The following REEP3 variants were observed in gnomAD, a reference collection of about 807,000 sequenced individuals.
REEP3 encodes receptor expression-enhancing protein 3.
Under a neutral mutation model 41.3 loss-of-function variants are expected in REEP3, and 20 were observed. The observed-to-expected ratio is 0.48, with a 90% CI of 0.34 to 0.70. The LOEUF (loss-of-function observed/expected upper bound fraction) is 0.70. REEP3 is among the 30% of genes least tolerant of loss of function. REEP3 has a pLI of 0.01. For synonymous variants in REEP3, 104 were observed against 101.8 expected (o/e 1.02, Z -0.13); for missense variants, 271 against 308.8 (o/e 0.88, Z 0.92).
chr10:63,592,107 G>T (rs1956069633), intron 2 of REEP3, among the ~76,000 whole-genome samples: 1 of 151,810 alleles, frequency 6.6e-6, no homozygotes, highest in African/African-American at 2.4e-5. Flanking sequence ...TGTACACTGA[G>T]GTCTCTGTGC....
chr10:63,543,412 C>A (rs530184836), intron 1 of REEP3, among the ~76,000 whole-genome samples: 1 of 151,722 alleles, frequency 6.6e-6, no homozygotes, highest in Non-Finnish European at 1.5e-5. Flanking sequence ...CCTTCTGACT[C>A]AAACTGCCAA....
At chr10:63,584,567 T>A (rs1955987039) in intron 2 of REEP3, among the ~76,000 whole-genome samples, 1 of 152,132 alleles carries the variant, frequency 6.6e-6, no homozygotes, top group Non-Finnish European at 1.5e-5. Flanking sequence ...GCCATCTGGG[T>A]TGGATAAAAC....
chr10:63,562,844 G>T, intron 1 of REEP3: 1 of 443,246 alleles, frequency 2.3e-6, no homozygotes, highest in Middle Eastern at 3.3e-4. Flanking sequence ...ATGTGTTATG[G>T]GCTGAATTCT....
At chr10:63,568,659 T>TTC (rs1955825393) in intron 2 of REEP3, among the ~76,000 whole-genome samples, 1 of 147,960 alleles carries the variant, frequency 6.8e-6, no homozygotes, top group African/African-American at 2.5e-5. Flanking sequence ...AATTTTTTTT[T>TTC]TTTTTTTTTT....
rs919019200 is a variant in REEP3, at chr10:63,621,539, A to T, written c.*670A>T. 16 of 152,710 alleles carry T rather than the reference A, an allele frequency of 1.0e-4. No homozygotes were observed. The highest frequency in any genetic ancestry group is 6.8e-3 in the Middle Eastern group (2 of 294). 9.5% of individuals were successfully genotyped at this position (152,710 alleles called of 1,614,324 possible). ...TTTTTGCCGTATTCTGACATGTCAA[A>T]TCTATGCCTTGAATTATATCATCTC... is the stretch of plus-strand genomic sequence containing the variant. On this transcript the variant is annotated 3_prime_UTR_variant, in exon 8 of 8. Coordinates refer to ENST00000373758, the MANE Select transcript of REEP3 (RefSeq NM_001001330.3).
chr10:63,623,468 C>T lies in REEP3; in HGVS notation c.*2599C>T, dbSNP rs1212259880. 2.6e-5 allele frequency: 4 copies of T among 152,100 alleles called. No homozygotes were observed. The highest frequency in any genetic ancestry group is 6.6e-5 in the Admixed American group (1 of 15,262). The allele number at this position is 152,100 out of a possible 1,614,324, so 9.4% of individuals were successfully genotyped here. On this transcript the variant is annotated 3_prime_UTR_variant, in exon 8 of 8. Coordinates refer to ENST00000373758, the MANE Select transcript of REEP3 (RefSeq NM_001001330.3). ...TTTTCCTCTGCCAGCACATGGAGCA[C>T]GGGATTAGATGCACAAACCTATTTA...
intron 1 of REEP3, chr10:63,562,621 G>A (rs4746201): frequency 8.8e-6 from 4 of 456,244 alleles, no homozygotes; most frequent in Admixed American, 7.1e-5. Context: ...AGCAAGAGAA[G>A]CGTATTCTTC....
chr10:63,534,234 A>C (rs1955453755), intron 1 of REEP3, among the ~76,000 whole-genome samples: 2 of 151,944 alleles, frequency 1.3e-5, no homozygotes, highest in South Asian at 4.2e-4. Flanking sequence ...TATATCTTGA[A>C]GTATTATTAT....
At chr10:63,568,547 G>A (rs945990007) in intron 2 of REEP3, among the ~76,000 whole-genome samples, 3 of 152,008 alleles carry the variant, frequency 2.0e-5, no homozygotes, top group South Asian at 2.1e-4. Context: ...GATTACAGGC[G>A]TGAGCCACTG....
chr10:63,530,109 A>G (rs1955406252), intron 1 of REEP3, among the ~76,000 whole-genome samples: 1 of 152,182 alleles, frequency 6.6e-6, no homozygotes, highest in African/African-American at 2.4e-5. Flanking sequence ...TCTTTGCTAT[A>G]ATATAGCAAG....
chr10:63,556,828 G>T (rs1350172257), intron 1 of REEP3, among the ~76,000 whole-genome samples: 2 of 149,858 alleles, frequency 1.3e-5, no homozygotes, highest in Non-Finnish European at 3.0e-5. Context: ...GTAGAGACGG[G>T]GTTTCACCGT....
chr10:63,564,558 G>A (rs1190572757), intron 1 of REEP3, among the ~76,000 whole-genome samples: 2 of 152,038 alleles, frequency 1.3e-5, no homozygotes, highest in East Asian at 3.9e-4. Flanking sequence ...GGGAGACGGA[G>A]GCTGCAGTGA....
chr10:63,574,426 C>A (rs7067748), intron 2 of REEP3, among the ~76,000 whole-genome samples: 1 of 152,212 alleles, frequency 6.6e-6, no homozygotes, highest in African/African-American at 2.4e-5. Context: ...ATTACTAGCT[C>A]TACCTTTGGA....
At chr10:63,603,670 C>A (rs1322004773) in intron 5 of REEP3, among the ~76,000 whole-genome samples, 1 of 152,114 alleles carries the variant, frequency 6.6e-6, no homozygotes, top group African/African-American at 2.4e-5. Context: ...TGTTGTGATT[C>A]TTTTATCCAT....
intron 1 of REEP3, among the ~76,000 whole-genome samples, chr10:63,540,621 T>A (rs1364483482): frequency 6.6e-6 from 1 of 152,210 alleles, no homozygotes; most frequent in African/African-American, 2.4e-5. Context: ...CACCAGCCTT[T>A]CATAATCCTT....
chr10:63,522,516 G>C (rs752097764), intron 1 of REEP3, among the ~76,000 whole-genome samples: 1 of 152,132 alleles, frequency 6.6e-6, no homozygotes. Flanking sequence ...CGTAGTTACA[G>C]CTAGGGCCTA....
intron 1 of REEP3, among the ~76,000 whole-genome samples, chr10:63,546,478 G>A (rs568912081): frequency 7.9e-5 from 12 of 152,276 alleles, no homozygotes; most frequent in African/African-American, 2.6e-4. Context: ...AAATGGACAA[G>A]TTATTTATAA....
At chr10:63,582,319 C>A (rs1363265920) in intron 2 of REEP3, among the ~76,000 whole-genome samples, 2 of 152,206 alleles carry the variant, frequency 1.3e-5, no homozygotes, top group African/African-American at 4.8e-5. Context: ...GACTTTTAAA[C>A]ATCTGTCTGC....
At chr10:63,521,660 A>C in intron 1 of REEP3, 83 bp downstream of exon 1, 1 of 1,082,432 alleles carries the variant, frequency 9.2e-7, no homozygotes, top group Non-Finnish European at 1.2e-6. Flanking sequence ...AGGAAAGGGA[A>C]GGCCTGGGCC....
Sources: allele counts gnomAD v4.1 joint callset (sites outside exome capture counted in the v4.1 genomes callset), GRCh38; gene constraint gnomAD v4.1.1; transcripts MANE v1.5; gene names NCBI Gene and HGNC (gene_info 2026-07-23, HGNC 2026-07-21).